Variants in ELP4 observed in about 807,000 individuals in gnomAD.
The protein encoded by ELP4 is elongator complex protein 4.
ELP4 carries 51 observed loss-of-function variants against 48.9 expected under a neutral mutation model. The ratio of observed to expected loss-of-function variants is 1.04; its 90% CI spans 0.83 to 1.32. ELP4 has a LOEUF of 1.32. Ranked by LOEUF, ELP4 falls within the 40% of genes most tolerant of loss-of-function variation. The probability of loss-of-function intolerance (pLI) is 0.00; values close to 1 mark genes in which losing one functional copy is unlikely to be tolerated. For missense variants in ELP4, 519 were observed against 514.6 expected (o/e 1.01, Z -0.08); for synonymous variants, 210 against 189.2 (o/e 1.11, Z -0.90).
chr11:31,674,329 A>G (rs1485762416), intron 9 of ELP4, among the ~76,000 whole-genome samples: 1 of 152,228 alleles, frequency 6.6e-6, no homozygotes, highest in Non-Finnish European at 1.5e-5. Context: ...CATTGGAGAC[A>G]CATTTTTCAC....
At position 31,719,003 on chromosome 11, in the gene ELP4, A is replaced by G. The variant is rs143506231; in HGVS notation, c.1144-64390A>G. Among the ~76,000 whole-genome samples, 29 of 152,246 alleles carry G rather than the reference A, an allele frequency of 1.9e-4. No individual in the cohort carries two copies. The East Asian group carries it at 5.6e-3, about 29-fold the overall frequency. ...CCTGGGCACAGTGGCTCACACCTGT[A>G]ATCCTAGTACTTTGGGAGAGCAAGG... On this transcript the variant is annotated intron_variant, in intron 9 of 9. Coordinates refer to ENST00000640961, the MANE Select transcript of ELP4 (RefSeq NM_019040.5).
chr11:31,682,154 T>G (rs1205333889), intron 9 of ELP4: 4 of 1,111,128 alleles, frequency 3.6e-6, no homozygotes, highest in Non-Finnish European at 4.6e-6. Context: ...TCAGCCAAGC[T>G]ATTGACAAAT....
intron 9 of ELP4, chr11:31,664,242 G>A (rs987818481): frequency 1.3e-5 from 2 of 152,106 alleles, no homozygotes; most frequent in African/African-American, 4.8e-5. Context: ...CTCATGTTTT[G>A]TAAGAGATTT....
At chr11:31,708,599 T>G (rs1329462955) in intron 9 of ELP4, among the ~76,000 whole-genome samples, 2 of 152,024 alleles carry the variant, frequency 1.3e-5, no homozygotes, top group Middle Eastern at 3.2e-3. Context: ...ACCAACAAAT[T>G]TATAAACTGG....
At chr11:31,529,968 T>A (rs1219705148) in intron 2 of ELP4, among the ~76,000 whole-genome samples, 1 of 152,158 alleles carries the variant, frequency 6.6e-6, no homozygotes, top group Non-Finnish European at 1.5e-5. Flanking sequence ...GCTAGGGACA[T>A]CTCTCTACCT....
At chr11:31,525,243 CT>C (rs1282368827) in intron 2 of ELP4, among the ~76,000 whole-genome samples, 1 of 152,160 alleles carries the variant, frequency 6.6e-6, no homozygotes, top group African/African-American at 2.4e-5. Flanking sequence ...TGATATTCTA[CT>C]AAACTTACTT....
chr11:31,596,915 T>C (rs1028199880), intron 4 of ELP4, among the ~76,000 whole-genome samples: 5 of 152,134 alleles, frequency 3.3e-5, no homozygotes, highest in Admixed American at 3.3e-4. Context: ...ATTTCAGTTT[T>C]AATGAGAGAA....
At chr11:31,608,299 T>G (rs747946093) in intron 5 of ELP4, among the ~76,000 whole-genome samples, 1 of 152,042 alleles carries the variant, frequency 6.6e-6, no homozygotes. Flanking sequence ...GACAGCCTGA[T>G]TGATGGCTCA....
At chr11:31,615,526 CAATA>C (rs1047381327) in intron 5 of ELP4, among the ~76,000 whole-genome samples, 27 of 151,600 alleles carry the variant, frequency 1.8e-4, no homozygotes, top group African/African-American at 6.5e-4. Context: ...GAAGATAAAT[CAATA>C]AAGTTATTTT....
chr11:31,734,545 G>A (rs1336739401), intron 9 of ELP4, among the ~76,000 whole-genome samples: 1 of 152,196 alleles, frequency 6.6e-6, no homozygotes, highest in Admixed American at 6.5e-5. Context: ...GGAAAACTTA[G>A]TTGTGTTTCT....
chr11:31,783,360 C>CTTTTTT, intron 9 of ELP4, 33 bp from the exon 10 acceptor site: 1 of 1,588,540 alleles, frequency 6.3e-7, no homozygotes, highest in Admixed American at 1.8e-5. Context: ...CTTCTTTCTT[C>CTTTTTT]TTTTTTTCTT....
chr11:31,561,214 A>T (rs1464337574), intron 3 of ELP4, among the ~76,000 whole-genome samples: 2 of 152,162 alleles, frequency 1.3e-5, no homozygotes, highest in Non-Finnish European at 2.9e-5. Context: ...ATCTTATATT[A>T]ACCCTCTATA....
At chr11:31,539,268 T>C (rs934254488) in intron 2 of ELP4, among the ~76,000 whole-genome samples, 4 of 152,100 alleles carry the variant, frequency 2.6e-5, no homozygotes, top group Admixed American at 6.5e-5. Context: ...ATCGAGACCA[T>C]CCTGGCTAAC....
At chr11:31,614,011 TG>T (rs1171149304) in intron 5 of ELP4, among the ~76,000 whole-genome samples, 1 of 152,070 alleles carries the variant, frequency 6.6e-6, no homozygotes, top group Non-Finnish European at 1.5e-5. Context: ...GTGCCTGGCC[TG>T]AACACTTGAG....
At chr11:31,517,208 G>A (rs1407414271) in intron 1 of ELP4, among the ~76,000 whole-genome samples, 2 of 150,866 alleles carry the variant, frequency 1.3e-5, no homozygotes, top group Non-Finnish European at 2.9e-5. Context: ...TTTTGAGACA[G>A]AGTCTTGCTA....
chr11:31,585,597 C>A (rs141996560), intron 3 of ELP4, among the ~76,000 whole-genome samples: 1 of 151,902 alleles, frequency 6.6e-6, no homozygotes, highest in Admixed American at 6.6e-5. Flanking sequence ...GGAAATTCCT[C>A]CGTAAGAGAT....
Position 31,524,267 on chromosome 11 carries a change from TA to T in ELP4, c.259+4177del, listed in dbSNP as rs1453375580. ...CGGAGTCCTCAGCAAGCCTACAATA[TA>T]GGTGTCAGCCAGGGCTGAGTTCTCA... On this transcript the variant is annotated intron_variant, in intron 2 of 9. Coordinates refer to ENST00000640961, the MANE Select transcript of ELP4 (RefSeq NM_019040.5). Among the ~76,000 whole-genome samples the T allele has an allele frequency of 2.6e-5, 4 of 152,284 alleles. No homozygotes were observed. The East Asian group carries it at 7.7e-4, about 29-fold the overall frequency.
chr11:31,543,635 C>T (rs561059874), intron 3 of ELP4, among the ~76,000 whole-genome samples: 1 of 152,250 alleles, frequency 6.6e-6, no homozygotes, highest in Non-Finnish European at 1.5e-5. Flanking sequence ...CATCAATGCA[C>T]ATCATAATCA....
chr11:31,772,245 A>C (rs548227455), intron 9 of ELP4, among the ~76,000 whole-genome samples: 2 of 150,924 alleles, frequency 1.3e-5, no homozygotes, highest in African/African-American at 4.9e-5. Flanking sequence ...CTCATGCCTC[A>C]GTCTCCTGAG....
Sources: allele counts gnomAD v4.1 joint callset (sites outside exome capture counted in the v4.1 genomes callset), GRCh38; gene constraint gnomAD v4.1.1; transcripts MANE v1.5; gene names NCBI Gene and HGNC (gene_info 2026-07-23, HGNC 2026-07-21).